KIF1B: variants seen among roughly 807,000 people sequenced by gnomAD.
KIF1B encodes the protein kinesin family member 1B, also known as kinesin-like protein KIF1B.
In KIF1B, 76 loss-of-function variants were observed where a neutral mutation model predicts 241.9. The observed-to-expected ratio is 0.31, with a 90% CI of 0.26 to 0.38. The LOEUF (loss-of-function observed/expected upper bound fraction) is 0.38, where lower values mean the gene tolerates loss of function less well. Among genes scored for constraint, KIF1B ranks in the 10% least tolerant of loss-of-function variants. The probability of loss-of-function intolerance (pLI) is 1.00; values close to 1 mark genes in which losing one functional copy is unlikely to be tolerated. For missense variants in KIF1B, 1,622 were observed against 2,271.4 expected (o/e 0.71, Z 5.81); for synonymous variants, 750 against 796.7 (o/e 0.94, Z 0.99).
chr1:10,328,277 T>A (rs1280451693), intron 27 of KIF1B, among the ~76,000 whole-genome samples: 1 of 152,176 alleles, frequency 6.6e-6, no homozygotes, highest in Non-Finnish European at 1.5e-5. Flanking sequence ...TAGAAGATGA[T>A]CATTCTTATG....
chr1:10,277,471 A>G (rs1649178676), intron 12 of KIF1B, among the ~76,000 whole-genome samples: 1 of 152,038 alleles, frequency 6.6e-6, no homozygotes, highest in African/African-American at 2.4e-5. Flanking sequence ...AGTAGCTAAA[A>G]CTATAGGTGC....
chr1:10,353,138 C>T (rs1054500155), intron 38 of KIF1B, among the ~76,000 whole-genome samples: 2 of 152,090 alleles, frequency 1.3e-5, no homozygotes, highest in Non-Finnish European at 2.9e-5. Flanking sequence ...CTCTCACTCC[C>T]CAAGTATCAT....
At chr1:10,344,147 A>C (rs531170909) in intron 34 of KIF1B, among the ~76,000 whole-genome samples, 1 of 152,250 alleles carries the variant, frequency 6.6e-6, no homozygotes, top group East Asian at 1.9e-4. Context: ...GTGAATGTGC[A>C]TATGTTGGAC....
chr1:10,343,185 A>G (rs1431423485), intron 33 of KIF1B, 47 bp from the exon 34 acceptor site: 1 of 1,604,286 alleles, frequency 6.2e-7, no homozygotes, highest in African/African-American at 1.3e-5. Context: ...AATTTCTAAA[A>G]TAAATAACTC....
At chr1:10,370,343 C>G (rs1042602707) in intron 44 of KIF1B, among the ~76,000 whole-genome samples, 1 of 152,084 alleles carries the variant, frequency 6.6e-6, no homozygotes, top group African/African-American at 2.4e-5. Flanking sequence ...CGATGGATCT[C>G]TTGAGGCCAA....
chr1:10,343,350 G>A, intron 34 of KIF1B, 63 bp downstream of exon 34: 2 of 1,499,792 alleles, frequency 1.3e-6, no homozygotes, highest in Non-Finnish European at 9.3e-7. Flanking sequence ...TATTCTGAAT[G>A]ACTTTTCAAA....
intron 10 of KIF1B, among the ~76,000 whole-genome samples, chr1:10,273,746 A>C: frequency 6.8e-6 from 1 of 147,584 alleles, no homozygotes; most frequent in Admixed American, 6.8e-5. Context: ...AAAACCCAAC[A>C]AACACCACAA....
chr1:10,220,173 C>T (rs1646822826), intron 1 of KIF1B, among the ~76,000 whole-genome samples: 1 of 149,486 alleles, frequency 6.7e-6, no homozygotes, highest in Non-Finnish European at 1.5e-5. Context: ...CATTGCACTC[C>T]AGCCTGGGCA....
At chr1:10,341,398 C>T (rs1652385679) in intron 32 of KIF1B, among the ~76,000 whole-genome samples, 1 of 152,182 alleles carries the variant, frequency 6.6e-6, no homozygotes, top group African/African-American at 2.4e-5. Context: ...CATGGATGTG[C>T]TGGAAGGGCC....
intron 9 of KIF1B, 34 bp downstream of exon 9, chr1:10,272,340 G>A (rs752496742): frequency 9.2e-6 from 12 of 1,302,488 alleles, no homozygotes; most frequent in Non-Finnish European, 1.3e-5. Context: ...GGGGAGTTGT[G>A]TCTGTTCAGC....
At chr1:10,284,383 A>C (rs1289074897) in intron 15 of KIF1B, among the ~76,000 whole-genome samples, 1 of 151,854 alleles carries the variant, frequency 6.6e-6, no homozygotes, top group Admixed American at 6.6e-5. Context: ...CCCCATCTCT[A>C]CTAAAAATAC....
chr1:10,257,827 C>A (rs1242764507), intron 3 of KIF1B, among the ~76,000 whole-genome samples: 1 of 152,078 alleles, frequency 6.6e-6, no homozygotes, highest in East Asian at 1.9e-4. Flanking sequence ...AGGCAGGTGC[C>A]ACCACACCCG....
rs1391824891 is a variant in KIF1B at position 10,304,937 on chromosome 1, T to C, written c.2115+7691T>C. 10 of 1,235,044 alleles carry C rather than the reference T, an allele frequency of 8.1e-6. No homozygotes were observed. In the East Asian group the frequency reaches 3.2e-4, roughly 40 times the overall value. 76.5% of individuals were successfully genotyped at this position (1,235,044 alleles called of 1,614,324 possible). On this transcript the variant is annotated intron_variant, in intron 22 of 48. Coordinates refer to ENST00000676179, the MANE Select transcript of KIF1B (RefSeq NM_001365951.3). ...TAATATACTTACTTACACAGACTTG[T>C]CCCATCTTGATGTAAGTTTGTTATG...
At chr1:10,293,341 T>C (rs1407898469) in intron 17 of KIF1B, among the ~76,000 whole-genome samples, 1 of 152,082 alleles carries the variant, frequency 6.6e-6, no homozygotes, top group Non-Finnish European at 1.5e-5. Context: ...CCTATGCATA[T>C]GTCTAATAAA....
intron 4 of KIF1B, among the ~76,000 whole-genome samples, chr1:10,259,397 C>A (rs1381434770): frequency 6.6e-6 from 1 of 151,728 alleles, no homozygotes; most frequent in African/African-American, 2.4e-5. Flanking sequence ...TCACTGAGGC[C>A]TTGTCCTCCC....
chr1:10,379,407 G>A lies in KIF1B; in HGVS notation c.*2820G>A, dbSNP rs1009079925. Reference sequence around the variant, plus strand: ...CTGCGTGCTCTTCACCCTCTGGGGCGCCCCTGCTGCGGCTGGCAGGTGCAG... The same window carrying A: ...CTGCGTGCTCTTCACCCTCTGGGGCACCCCTGCTGCGGCTGGCAGGTGCAG... On this transcript the variant is annotated 3_prime_UTR_variant, in exon 49 of 49. Transcript: ENST00000676179. 3 of 231,302 alleles carry A rather than the reference G, an allele frequency of 1.3e-5. No homozygotes were observed. Among genetic ancestry groups the A allele is most frequent in the East Asian group, 1.2e-4 (2 of 16,298 alleles). The allele number at this position is 231,302 out of a possible 1,614,324, so 14.3% of individuals were successfully genotyped here.
rs180879015 is a variant in KIF1B at position 10,309,794 on chromosome 1, G to C, written c.2116-10249G>C. Among the ~76,000 whole-genome samples, 45 of 151,600 alleles carry C rather than the reference G, an allele frequency of 3.0e-4. 1 individual carries two copies. Among genetic ancestry groups the C allele is most frequent in the Admixed American group, 2.6e-4 (4 of 15,264 alleles). On this transcript the variant is annotated intron_variant, in intron 22 of 48. Coordinates refer to ENST00000676179, the MANE Select transcript of KIF1B (RefSeq NM_001365951.3). ...TGTCCTCAGGGGCTTTCCATTGCAT[G>C]AAAGAATCTTAGTCTTACTGTAGTC...
chr1:10,275,523 A>T lies in KIF1B; in HGVS notation c.958+20A>T, dbSNP rs1427799432. 7.6e-7 allele frequency: 1 copy of T among 1,308,172 alleles called. No individual in the cohort carries two copies. Among genetic ancestry groups the T allele is most frequent in the African/African-American group, 1.5e-5 (1 of 68,820 alleles). The allele number at this position is 1,308,172 out of a possible 1,614,324, so 81.0% of individuals were successfully genotyped here. A position where few individuals can be genotyped will look rare whatever the true frequency, so the allele number is the denominator to read the frequency against. ...ATTTAGGTATGTTGACCACTAGTGAAAAGTAGTTATCTTTTTAACTTTGAT... is the reference window on the plus strand; with the variant it reads ...ATTTAGGTATGTTGACCACTAGTGATAAGTAGTTATCTTTTTAACTTTGAT... On this transcript the variant is annotated intron_variant, in intron 11 of 48. Transcript: ENST00000676179.
intron 15 of KIF1B, among the ~76,000 whole-genome samples, chr1:10,284,009 A>G (rs756531984): frequency 2.0e-5 from 3 of 152,272 alleles, no homozygotes; most frequent in Non-Finnish European, 4.4e-5. Flanking sequence ...AAGATTTTAT[A>G]TGAAGAAAGA....
Sources: allele counts gnomAD v4.1 joint callset (sites outside exome capture counted in the v4.1 genomes callset), GRCh38; gene constraint gnomAD v4.1.1; transcripts MANE v1.5; gene names NCBI Gene and HGNC (gene_info 2026-07-23, HGNC 2026-07-21).